TRDN: variants seen among roughly 807,000 people sequenced by gnomAD.
TRDN encodes triadin in skeletal muscle.
In TRDN, 161 loss-of-function variants were observed where a neutral mutation model predicts 149.7. That is an observed-to-expected ratio of 1.08 (90% CI 0.95 to 1.23). TRDN has a LOEUF of 1.23. Among genes scored for constraint, TRDN ranks in the 50% most tolerant of loss-of-function variants. The pLI, the probability that TRDN is intolerant of heterozygous loss-of-function variation, is 0.00. For synonymous variants in TRDN, 294 were observed against 250.5 expected (o/e 1.17, Z -1.64); for missense variants, 896 against 823.5 (o/e 1.09, Z -1.08).
At chr6:123,522,087 T>A (rs569741713) in intron 5 of TRDN, among the ~76,000 whole-genome samples, 1 of 152,218 alleles carries the variant, frequency 6.6e-6, no homozygotes, top group African/African-American at 2.4e-5. Context: ...TCTAGCCCAC[T>A]CTGAAGCTGA....
chr6:123,543,347 C>T (rs184366050), intron 4 of TRDN, among the ~76,000 whole-genome samples: 62 of 152,242 alleles, frequency 4.1e-4, no homozygotes, highest in African/African-American at 1.5e-3. Flanking sequence ...TTCTCTTCCA[C>T]CAGCTCATTG....
At chr6:123,355,044 C>T (rs535761601) in intron 20 of TRDN, among the ~76,000 whole-genome samples, 3 of 151,832 alleles carry the variant, frequency 2.0e-5, no homozygotes, top group East Asian at 1.9e-4. Context: ...ATGCCACATG[C>T]TTTTCATATA....
chr6:123,570,832 T>G, intron 2 of TRDN, 91 bp downstream of exon 2: 1 of 1,199,776 alleles, frequency 8.3e-7, no homozygotes, highest in Admixed American at 2.0e-5. Context: ...CACACTAAGA[T>G]GAAACAGAAA....
At chr6:123,361,324 T>C (rs1780892007) in intron 20 of TRDN, among the ~76,000 whole-genome samples, 1 of 149,812 alleles carries the variant, frequency 6.7e-6, no homozygotes. Flanking sequence ...TAAGTGGGAG[T>C]GGAACAATGA....
intron 12 of TRDN, among the ~76,000 whole-genome samples, chr6:123,397,125 A>T (rs1772763623): frequency 1.3e-5 from 2 of 152,190 alleles, no homozygotes; most frequent in African/African-American, 4.8e-5. Flanking sequence ...CAAAAGAGAC[A>T]ATAAACAATG....
chr6:123,246,708 TAAG>T, intron 38 of TRDN, among the ~76,000 whole-genome samples: 1 of 150,806 alleles, frequency 6.6e-6, no homozygotes, highest in East Asian at 2.0e-4. Context: ...AACAATAGAA[TAAG>T]AAGGACTCTT....
At chr6:123,587,042 T>A (rs1311570645) in intron 1 of TRDN, among the ~76,000 whole-genome samples, 1 of 151,198 alleles carries the variant, frequency 6.6e-6, no homozygotes, top group Non-Finnish European at 1.5e-5. Flanking sequence ...CGGGACTTGC[T>A]GCTCAGGGTG....
At chr6:123,344,565 A>G (rs1780185423) in intron 21 of TRDN, among the ~76,000 whole-genome samples, 1 of 151,998 alleles carries the variant, frequency 6.6e-6, no homozygotes, top group African/African-American at 2.4e-5. Context: ...TCACTTAGAA[A>G]TATAATTTAA....
rs1360805936 is a variant in TRDN at position 123,503,690 on chromosome 6, T to A, written c.793+29A>T. 1.2e-4 allele frequency: 198 copies of A among 1,612,988 alleles called. No individual in the cohort carries two copies. The highest frequency in any genetic ancestry group is 1.3e-4 in the Non-Finnish European group (151 of 1,179,576). On this transcript the variant is annotated intron_variant, in intron 8 of 40. Transcript: ENST00000334268. ...TCTTGCCCAATATTCTCTTAGAACC[T>A]CCGGCAGCCTCCTGCTCTGAATGTT...
intron 38 of TRDN, among the ~76,000 whole-genome samples, chr6:123,236,816 C>T (rs1775805172): frequency 2.0e-5 from 3 of 151,986 alleles, no homozygotes; most frequent in African/African-American, 4.8e-5. Context: ...CTTTGCAAAT[C>T]CCATACTCTT....
chr6:123,243,194 C>G (rs1190772326), intron 38 of TRDN, among the ~76,000 whole-genome samples: 1 of 152,036 alleles, frequency 6.6e-6, no homozygotes, highest in Non-Finnish European at 1.5e-5. Context: ...TAGTGGCAGG[C>G]CCACAGCTGT....
At chr6:123,332,702 A>G (rs186221028) in intron 22 of TRDN, among the ~76,000 whole-genome samples, 1 of 152,182 alleles carries the variant, frequency 6.6e-6, no homozygotes. Context: ...ATGACTTTTA[A>G]TGCAATTATA....
chr6:123,426,954 A>AT (rs1440103254), intron 12 of TRDN, among the ~76,000 whole-genome samples: 1 of 151,970 alleles, frequency 6.6e-6, no homozygotes, highest in African/African-American at 2.4e-5. Flanking sequence ...TCTAGAAACC[A>AT]TTTTTCCCTA....
At chr6:123,226,128 T>C (rs552490806) in intron 38 of TRDN, among the ~76,000 whole-genome samples, 1 of 151,944 alleles carries the variant, frequency 6.6e-6, no homozygotes, top group East Asian at 1.9e-4. Flanking sequence ...TTTGATCTGG[T>C]CAGTTGTAAA....
intron 7 of TRDN, chr6:123,510,375 G>T (rs1272613235): frequency 6.6e-6 from 1 of 151,964 alleles, no homozygotes; most frequent in African/African-American, 2.4e-5. Flanking sequence ...ATACTGAATT[G>T]AGGCTTCTAG....
At position 123,409,295 on chromosome 6, in the gene TRDN, C is replaced by A. The variant is rs574800185; in HGVS notation, c.1052-15618G>T. Among the ~76,000 whole-genome samples the A allele has an allele frequency of 1.1e-4, 16 of 152,174 alleles. No individual in the cohort carries two copies. In the South Asian group the frequency reaches 3.1e-3, roughly 30 times the overall value. Reference sequence around the variant, plus strand: ...TTTGACATATATTCTTCAATTTAGCCCACAAAATGGGTAGTAGTCAGCAAC... The same window carrying A: ...TTTGACATATATTCTTCAATTTAGCACACAAAATGGGTAGTAGTCAGCAAC... On this transcript the variant is annotated intron_variant, in intron 12 of 40. Coordinates refer to ENST00000334268, the MANE Select transcript of TRDN (RefSeq NM_006073.4).
At chr6:123,610,617 T>A (rs950803451) in intron 1 of TRDN, among the ~76,000 whole-genome samples, 19 of 152,166 alleles carry the variant, frequency 1.2e-4, no homozygotes, top group Middle Eastern at 3.2e-3. Flanking sequence ...ATGCTACAAA[T>A]GAGACATATC....
chr6:123,299,307 A>C (rs1021232668), intron 24 of TRDN, among the ~76,000 whole-genome samples: 1 of 152,026 alleles, frequency 6.6e-6, no homozygotes, highest in Non-Finnish European at 1.5e-5. Context: ...CTTGATGGAC[A>C]TGGCTAAAGT....
At position 123,595,520 on chromosome 6, in the gene TRDN, T is replaced by C. The variant is rs552313854; in HGVS notation, c.23-24388A>G. Among the ~76,000 whole-genome samples, 21 of 152,260 alleles carry C rather than the reference T, an allele frequency of 1.4e-4. No homozygotes were observed. The South Asian group carries it at 4.1e-3, about 30-fold the overall frequency. ...ATACAAGTAAAGGCATACTACCTTT[T>C]ATTGTGCTTCACTTTATCACATTGC... is the stretch of plus-strand genomic sequence containing the variant. On this transcript the variant is annotated intron_variant, in intron 1 of 40. Transcript: ENST00000334268.
Sources: gnomAD v4.1 joint callset for allele counts (sites outside exome capture counted in the v4.1 genomes callset) on GRCh38, gnomAD v4.1.1 for gene constraint, MANE v1.5 for transcripts, NCBI Gene and HGNC (gene_info 2026-07-23, HGNC 2026-07-21) for gene names.